The following FAM193A variants were observed in gnomAD, a reference collection of about 807,000 sequenced individuals.
FAM193A encodes protein FAM193A.
A neutral mutation model predicts 126.5 loss-of-function variants in FAM193A; 22 were observed. That is an observed-to-expected ratio of 0.17 (90% confidence interval 0.12 to 0.25). The LOEUF is 0.25. FAM193A is among the 10% of genes least tolerant of loss of function. FAM193A has a pLI of 1.00. For missense variants in FAM193A, 1,675 were observed against 1,672.8 expected (o/e 1.00, Z -0.02); for synonymous variants, 761 against 646.8 (o/e 1.18, Z -2.68).
At chr4:2,551,758 T>C (rs558007286) in intron 1 of FAM193A, among the ~76,000 whole-genome samples, 15 of 152,118 alleles carry the variant, frequency 9.9e-5, no homozygotes, top group Non-Finnish European at 2.2e-4. Flanking sequence ...TCTCTGTTTT[T>C]CCGTTTTCAG....
chr4:2,569,470 G>A (rs541832696), intron 1 of FAM193A, among the ~76,000 whole-genome samples: 150 of 152,232 alleles, frequency 9.9e-4, no homozygotes, highest in Admixed American at 1.8e-3. Flanking sequence ...GCAGATGTGA[G>A]TTTGGTGCTA....
chr4:2,667,186 G>A (rs1038414750), intron 12 of FAM193A, among the ~76,000 whole-genome samples: 1 of 152,208 alleles, frequency 6.6e-6, no homozygotes, highest in Admixed American at 6.5e-5. Flanking sequence ...CAAATTGGTT[G>A]ATGGCATTCT....
chr4:2,612,538 G>A (rs181354199), intron 2 of FAM193A, among the ~76,000 whole-genome samples: 4 of 152,088 alleles, frequency 2.6e-5, no homozygotes, highest in African/African-American at 4.8e-5. Flanking sequence ...TTGCTTGTTT[G>A]TTTTTTTCTG....
intron 13 of FAM193A, among the ~76,000 whole-genome samples, chr4:2,687,105 C>G (rs1274423687): frequency 6.6e-6 from 1 of 152,064 alleles, no homozygotes; most frequent in African/African-American, 2.4e-5. Context: ...CTTCCTGGGC[C>G]TGTTCCAGGT....
chr4:2,608,905 T>A (rs1741697705), intron 2 of FAM193A, among the ~76,000 whole-genome samples: 1 of 151,602 alleles, frequency 6.6e-6, no homozygotes, highest in South Asian at 2.1e-4. Context: ...TTTTTTTTTT[T>A]TTTGAGACAG....
At chr4:2,711,628 C>A (rs1487943364) in intron 19 of FAM193A, among the ~76,000 whole-genome samples, 1 of 151,828 alleles carries the variant, frequency 6.6e-6, no homozygotes, top group South Asian at 2.1e-4. Flanking sequence ...GCGTGAGCCA[C>A]CACGCCGAGC....
chr4:2,727,278 A>C (rs1479741524), intron 20 of FAM193A, among the ~76,000 whole-genome samples: 1 of 152,154 alleles, frequency 6.6e-6, no homozygotes, highest in Non-Finnish European at 1.5e-5. Context: ...ATTGTGACCA[A>C]TTGCTGTTAG....
At chr4:2,661,308 C>T (rs1384792261) in intron 10 of FAM193A, among the ~76,000 whole-genome samples, 1 of 152,182 alleles carries the variant, frequency 6.6e-6, no homozygotes, top group Non-Finnish European at 1.5e-5. Context: ...TTTCTTGGTG[C>T]CTTTTCTAAG....
intron 15 of FAM193A, among the ~76,000 whole-genome samples, chr4:2,692,576 A>G (rs1021083723): frequency 6.6e-6 from 1 of 152,242 alleles, no homozygotes; most frequent in Non-Finnish European, 1.5e-5. Context: ...AGAAGGATCC[A>G]ACGTAATATT....
In FAM193A at chr4:2,677,465, G is replaced by A. The variant is rs372631162; in HGVS notation, c.2331+5093G>A. Among the ~76,000 whole-genome samples the A allele has an allele frequency of 3.9e-5, 6 of 152,060 alleles. No homozygotes were observed. The South Asian group carries it at 1.2e-3, about 32-fold the overall frequency. On this transcript the variant is annotated intron_variant, in intron 13 of 20. Transcript: ENST00000637812. ...TGTAGAGATTGTTTGGGTTGGCCGG[G>A]CACGGTGGCTTACACTTGTAATCCC...
intron 6 of FAM193A, among the ~76,000 whole-genome samples, chr4:2,641,071 T>A (rs1386400674): frequency 6.6e-6 from 1 of 151,798 alleles, no homozygotes; most frequent in African/African-American, 2.4e-5. Context: ...GACAGTGTCT[T>A]GCTCTGTCAC....
chr4:2,541,262 G>T (rs1162632664), intron 1 of FAM193A, among the ~76,000 whole-genome samples: 1 of 151,810 alleles, frequency 6.6e-6, no homozygotes, highest in African/African-American at 2.4e-5. Context: ...AACCTGGGAG[G>T]TGGAGATTGT....
At chr4:2,625,882 TCGGG>T (rs2108978861) in intron 3 of FAM193A, among the ~76,000 whole-genome samples, 1 of 152,080 alleles carries the variant, frequency 6.6e-6, no homozygotes, top group African/African-American at 2.4e-5. Flanking sequence ...CACCACCATG[TCGGG>T]CTAATTTTTG....
At chr4:2,666,351 G>T (rs1713114581) in intron 12 of FAM193A, among the ~76,000 whole-genome samples, 1 of 152,074 alleles carries the variant, frequency 6.6e-6, no homozygotes, top group Admixed American at 6.5e-5. Flanking sequence ...TGTGTTCCTG[G>T]GATAACTCCC....
intron 1 of FAM193A, among the ~76,000 whole-genome samples, chr4:2,562,045 C>T (rs2108841077): frequency 6.6e-6 from 1 of 152,200 alleles, no homozygotes. Flanking sequence ...TGTGGTTGTG[C>T]ACTGGACACA....
intron 17 of FAM193A, 24 bp from the exon 18 acceptor site, chr4:2,696,339 G>A (rs745990413): frequency 2.0e-5 from 30 of 1,529,934 alleles, no homozygotes; most frequent in Non-Finnish European, 2.5e-5. Context: ...TAAAACTTAA[G>A]CATAACTTTG....
chr4:2,655,075 G>A, intron 7 of FAM193A: 1 of 700,380 alleles, frequency 1.4e-6, no homozygotes, highest in Non-Finnish European at 2.6e-6. Context: ...AGACCAGTGT[G>A]AATAAGAGCA....
At chr4:2,726,416 C>A (rs960231971) in intron 20 of FAM193A, among the ~76,000 whole-genome samples, 1 of 152,056 alleles carries the variant, frequency 6.6e-6, no homozygotes, top group African/African-American at 2.4e-5. Context: ...TTCTTTCTAA[C>A]CCCCTTCCCT....
chr4:2,722,600 G>C (rs1002451818), intron 20 of FAM193A, among the ~76,000 whole-genome samples: 5 of 152,186 alleles, frequency 3.3e-5, no homozygotes, highest in African/African-American at 1.2e-4. Flanking sequence ...GGCTTGACCA[G>C]CTAGGGACAG....
Sources: gnomAD v4.1 joint callset for allele counts (sites outside exome capture counted in the v4.1 genomes callset) on GRCh38, gnomAD v4.1.1 for gene constraint, MANE v1.5 for transcripts, NCBI Gene and HGNC (gene_info 2026-07-23, HGNC 2026-07-21) for gene names.